The following CDK6 variants were observed in gnomAD, a reference collection of about 807,000 sequenced individuals.
CDK6 encodes cyclin dependent kinase 6, also known as cyclin-dependent kinase 6.
In CDK6, 6 loss-of-function variants were observed where a neutral mutation model predicts 37.1. The ratio of observed to expected loss-of-function variants is 0.16; its 90% CI spans 0.09 to 0.32. CDK6 has a LOEUF of 0.32. CDK6 is among the 10% of genes least tolerant of loss of function. The probability of loss-of-function intolerance (pLI) is 1.00; values close to 1 mark genes in which losing one functional copy is unlikely to be tolerated. For synonymous variants in CDK6, 160 were observed against 161.3 expected (o/e 0.99, Z 0.06); for missense variants, 224 against 418.9 (o/e 0.53, Z 4.06).
intron 3 of CDK6, among the ~76,000 whole-genome samples, chr7:92,759,544 A>G (rs575812877): frequency 1.3e-5 from 2 of 152,166 alleles, no homozygotes; most frequent in Admixed American, 1.3e-4. Flanking sequence ...CCAGTTTTCT[A>G]AATCCAACAG....
intron 2 of CDK6, among the ~76,000 whole-genome samples, chr7:92,790,271 C>T (rs1354712586): frequency 6.6e-6 from 1 of 152,138 alleles, no homozygotes; most frequent in Admixed American, 6.6e-5. Flanking sequence ...GTTCAATCAA[C>T]CACCAATTCC....
chr7:92,702,010 A>C (rs1700160675), intron 4 of CDK6, among the ~76,000 whole-genome samples: 2 of 152,298 alleles, frequency 1.3e-5, no homozygotes, highest in Non-Finnish European at 2.9e-5. Context: ...GGTTGATCAA[A>C]GATTATTTTT....
intron 2 of CDK6, among the ~76,000 whole-genome samples, chr7:92,813,288 T>C (rs1367780677): frequency 6.6e-6 from 1 of 152,066 alleles, no homozygotes; most frequent in East Asian, 1.9e-4. Context: ...ATCAAGGTTG[T>C]AGAGAATTTG....
intron 2 of CDK6, among the ~76,000 whole-genome samples, chr7:92,785,858 A>G (rs1800118791): frequency 1.3e-5 from 2 of 152,212 alleles, no homozygotes; most frequent in African/African-American, 2.4e-5. Flanking sequence ...CATACTTTAC[A>G]TGGTGGGCTG....
chr7:92,749,549 C>T lies in CDK6; in HGVS notation c.370-23756G>A, dbSNP rs189283301. On this transcript the variant is annotated intron_variant, in intron 3 of 7. Coordinates refer to ENST00000424848, the MANE Select transcript of CDK6 (RefSeq NM_001145306.2). ...CAGATGCCAATGTCCAAAACCAAAC[C>T]TGAAATTCTTCAGGGTATTCATATC... 8.5e-5 allele frequency among the ~76,000 whole-genome samples: 13 copies of T among 152,288 alleles called. No homozygotes were observed. In the East Asian group the frequency reaches 2.5e-3, roughly 29 times the overall value.
chr7:92,831,512 C>T (rs927430307), intron 2 of CDK6, among the ~76,000 whole-genome samples: 1 of 152,144 alleles, frequency 6.6e-6, no homozygotes, highest in African/African-American at 2.4e-5. Context: ...AGCTGAGTTA[C>T]AGGGGGCTAA....
At chr7:92,793,939 G>A (rs1800342530) in intron 2 of CDK6, among the ~76,000 whole-genome samples, 1 of 152,036 alleles carries the variant, frequency 6.6e-6, no homozygotes, top group African/African-American at 2.4e-5. Context: ...AAATCAGACT[G>A]TTTAACAATG....
intron 6 of CDK6, among the ~76,000 whole-genome samples, chr7:92,619,298 A>C (rs1248381057): frequency 6.6e-6 from 1 of 152,202 alleles, no homozygotes; most frequent in Non-Finnish European, 1.5e-5. Context: ...ATGGACTTAC[A>C]TAACTTATAC....
chr7:92,626,236 T>G (rs1302897728), intron 5 of CDK6, among the ~76,000 whole-genome samples: 1 of 151,960 alleles, frequency 6.6e-6, no homozygotes, highest in Non-Finnish European at 1.5e-5. Context: ...AAATATAAAT[T>G]ACATTTCAAA....
intron 4 of CDK6, among the ~76,000 whole-genome samples, chr7:92,697,231 T>C (rs1440889128): frequency 6.6e-6 from 1 of 152,194 alleles, no homozygotes; most frequent in Non-Finnish European, 1.5e-5. Flanking sequence ...TTGTTATCTA[T>C]TGTGGAAGTC....
chr7:92,685,192 G>A (rs746841095), intron 4 of CDK6, among the ~76,000 whole-genome samples: 27 of 152,160 alleles, frequency 1.8e-4, no homozygotes, highest in Admixed American at 2.0e-4. Flanking sequence ...TGCTCTTAAT[G>A]AGCCACAATG....
intron 2 of CDK6, among the ~76,000 whole-genome samples, chr7:92,777,579 C>T (rs1221535430): frequency 1.3e-5 from 2 of 152,100 alleles, no homozygotes; most frequent in Non-Finnish European, 2.9e-5. Context: ...CTGTTCTGTT[C>T]CATTGGTCTA....
chr7:92,672,242 C>CACATATAT (rs1374477819), intron 4 of CDK6, among the ~76,000 whole-genome samples: 1 of 116,556 alleles, frequency 8.6e-6, no homozygotes, highest in East Asian at 2.4e-4. Context: ...CACACACACA[C>CACATATAT]ATATATGAAG....
chr7:92,731,594 T>C (rs146469805), intron 3 of CDK6, among the ~76,000 whole-genome samples: 1 of 152,304 alleles, frequency 6.6e-6, no homozygotes, highest in African/African-American at 2.4e-5. Flanking sequence ...TTTTACTGCT[T>C]CTAGGCAACT....
chr7:92,776,086 G>A (rs753717608), intron 2 of CDK6, among the ~76,000 whole-genome samples: 84 of 148,266 alleles, frequency 5.7e-4, no homozygotes, highest in Non-Finnish European at 1.0e-3. Context: ...ACAGGCCCTG[G>A]TGTGCGATGT....
rs1282193358 is a variant in CDK6 at position 92,697,528 on chromosome 7, A to G, written c.538-25993T>C. Among the ~76,000 whole-genome samples the G allele has an allele frequency of 3.3e-5, 5 of 152,218 alleles. No homozygotes were observed. In the East Asian group the frequency reaches 9.6e-4, roughly 29 times the overall value. Reference sequence around the variant, plus strand: ...TGTTAATAACTACAGTAGTCCCACAACTAGCCACTTGTCAGAGATACAATC... The same window carrying G: ...TGTTAATAACTACAGTAGTCCCACAGCTAGCCACTTGTCAGAGATACAATC... On this transcript the variant is annotated intron_variant, in intron 4 of 7. Coordinates refer to ENST00000424848, the MANE Select transcript of CDK6 (RefSeq NM_001145306.2).
intron 2 of CDK6, among the ~76,000 whole-genome samples, chr7:92,810,056 T>C (rs1800834538): frequency 6.6e-6 from 1 of 152,202 alleles, no homozygotes; most frequent in Non-Finnish European, 1.5e-5. Context: ...CAAATAACAC[T>C]ACTTAACACT....
At chr7:92,818,335 T>C (rs1320859508) in intron 2 of CDK6, among the ~76,000 whole-genome samples, 1 of 151,954 alleles carries the variant, frequency 6.6e-6, no homozygotes, top group African/African-American at 2.4e-5. Context: ...GCCAAGGTAA[T>C]TCAAAATGAA....
chr7:92,740,471 T>C (rs1442108769), intron 3 of CDK6, among the ~76,000 whole-genome samples: 1 of 152,336 alleles, frequency 6.6e-6, no homozygotes, highest in East Asian at 1.9e-4. Context: ...GCTCTGAGCA[T>C]AGTTCTGGCA....
Sources: allele counts gnomAD v4.1 joint callset (sites outside exome capture counted in the v4.1 genomes callset), GRCh38; gene constraint gnomAD v4.1.1; transcripts MANE v1.5; gene names NCBI Gene and HGNC (gene_info 2026-07-23, HGNC 2026-07-21).